The following PCDHAC1 variants were observed in gnomAD, a reference collection of about 807,000 sequenced individuals.
PCDHAC1 encodes the protein protocadherin alpha-C1.
Under a neutral mutation model 60.0 loss-of-function variants are expected in PCDHAC1, and 42 were observed. The observed-to-expected ratio is 0.70, with a 90% CI of 0.55 to 0.90. PCDHAC1 has a LOEUF of 0.90. Ranked by LOEUF, PCDHAC1 falls within the 40% of genes least tolerant of loss-of-function variation. The pLI is 0.00. For missense variants in PCDHAC1, 1,160 were observed against 1,222.3 expected (o/e 0.95, Z 0.76); for synonymous variants, 468 against 499.3 (o/e 0.94, Z 0.84).
intron 1 of PCDHAC1, among the ~76,000 whole-genome samples, chr5:140,939,650 A>G (rs1203077314): frequency 1.3e-5 from 2 of 152,228 alleles, no homozygotes; most frequent in African/African-American, 2.4e-5. Flanking sequence ...GAAAACTTCA[A>G]TAACAGGAAT....
chr5:140,954,771 T>C (rs1314345691), intron 1 of PCDHAC1, among the ~76,000 whole-genome samples: 2 of 152,230 alleles, frequency 1.3e-5, no homozygotes, highest in African/African-American at 4.8e-5. Context: ...AGCTCTTTAA[T>C]TTAATTAGAT....
intron 1 of PCDHAC1, among the ~76,000 whole-genome samples, chr5:140,976,433 C>T (rs2096716122): frequency 6.6e-6 from 1 of 152,036 alleles, no homozygotes; most frequent in South Asian, 2.1e-4. Context: ...TGCCTGTAAT[C>T]CCAGCTACTA....
intron 1 of PCDHAC1, among the ~76,000 whole-genome samples, chr5:140,964,657 G>A (rs2067599): frequency 0.18 from 27,796 of 151,812 alleles, 2,893 homozygotes; most frequent in African/African-American, 0.28. Context: ...TAATGGGTGA[G>A]GACACAGGCC....
intron 3 of PCDHAC1, among the ~76,000 whole-genome samples, chr5:140,996,991 T>C (rs191353108): frequency 1.6e-4 from 25 of 152,346 alleles, no homozygotes; most frequent in African/African-American, 5.3e-4. Flanking sequence ...GCAACCACTG[T>C]TAACAATTTT....
chr5:140,967,299 G>T, intron 1 of PCDHAC1: 3 of 1,612,674 alleles, frequency 1.9e-6, no homozygotes, highest in Non-Finnish European at 2.5e-6. Flanking sequence ...CCCGACGTGG[G>T]CGCCAACTCA....
intron 1 of PCDHAC1, among the ~76,000 whole-genome samples, chr5:140,944,592 C>T (rs1225606041): frequency 2.6e-5 from 4 of 152,086 alleles, no homozygotes; most frequent in Non-Finnish European, 4.4e-5. Flanking sequence ...CAGAATTTCC[C>T]TGGGTAGAGT....
chr5:141,002,877 A>G (rs989540490), intron 3 of PCDHAC1, among the ~76,000 whole-genome samples: 1 of 152,252 alleles, frequency 6.6e-6, no homozygotes, highest in Non-Finnish European at 1.5e-5. Context: ...CCTCAAGAAC[A>G]GAAAGAGAAC....
intron 1 of PCDHAC1, among the ~76,000 whole-genome samples, chr5:140,963,754 T>C (rs190216638): frequency 2.3e-4 from 35 of 152,374 alleles, no homozygotes; most frequent in Admixed American, 7.2e-4. Flanking sequence ...TGATAATAAA[T>C]TGTTGTATTT....
At chr5:140,938,187 C>A (rs1584944424) in intron 1 of PCDHAC1, among the ~76,000 whole-genome samples, 1 of 152,276 alleles carries the variant, frequency 6.6e-6, no homozygotes, top group Non-Finnish European at 1.5e-5. Context: ...CTCAAGCAAT[C>A]CTCCCACGCC....
At chr5:141,007,706 C>T (rs1269578685) in intron 3 of PCDHAC1, among the ~76,000 whole-genome samples, 1 of 152,218 alleles carries the variant, frequency 6.6e-6, no homozygotes, top group Non-Finnish European at 1.5e-5. Flanking sequence ...TCCTCTGCCT[C>T]CCACCACCAG....
chr5:140,952,010 C>A (rs1188540877), intron 1 of PCDHAC1, among the ~76,000 whole-genome samples: 2 of 152,128 alleles, frequency 1.3e-5, no homozygotes, highest in Non-Finnish European at 2.9e-5. Flanking sequence ...GAATTATAGG[C>A]CCCATGCAAG....
At chr5:140,969,253 C>T in intron 1 of PCDHAC1, 3 of 1,614,202 alleles carry the variant, frequency 1.9e-6, no homozygotes, top group Non-Finnish European at 2.5e-6. Flanking sequence ...TGACTGACAG[C>T]AGGAATCTCA....
chr5:140,926,774 A>G lies in PCDHAC1; in HGVS notation c.-119A>G. The G allele has an allele frequency of 7.2e-7, 1 of 1,380,760 alleles. No homozygotes were observed. The highest frequency in any genetic ancestry group is 9.4e-7 in the Non-Finnish European group (1 of 1,061,160). The allele number at this position is 1,380,760 out of a possible 1,614,324, so 85.5% of individuals were successfully genotyped here. A position where few individuals can be genotyped will look rare whatever the true frequency, so the allele number is the denominator to read the frequency against. ...GGTCGCTGAGTATCCAGCCCGCAGC[A>G]GTGACGGCCGGCAGGAGCGTGCTCT... is the stretch of plus-strand genomic sequence containing the variant. On this transcript the variant is annotated 5_prime_UTR_variant, in exon 1 of 4. Coordinates refer to ENST00000253807, the MANE Select transcript of PCDHAC1 (RefSeq NM_018898.5).
chr5:140,996,237 G>T (rs1169717703), intron 3 of PCDHAC1, among the ~76,000 whole-genome samples: 1 of 152,186 alleles, frequency 6.6e-6, no homozygotes, highest in Non-Finnish European at 1.5e-5. Context: ...GTTGCTCAAG[G>T]CTGAGAAGTG....
intron 1 of PCDHAC1, chr5:140,966,883 T>A (rs155364): frequency 0.52 from 832,487 of 1,587,228 alleles, 220,297 homozygotes; most frequent in African/African-American, 0.71. Flanking sequence ...TACCTGGCCC[T>A]GCGGCCTCCC....
chr5:140,961,465 T>C (rs2095614873), intron 1 of PCDHAC1, among the ~76,000 whole-genome samples: 2 of 152,218 alleles, frequency 1.3e-5, no homozygotes, highest in Admixed American at 1.3e-4. Context: ...GCTGCCTTTC[T>C]TTTTTTGTCT....
chr5:140,967,641 T>C (rs2096165933), intron 1 of PCDHAC1: 1 of 1,614,004 alleles, frequency 6.2e-7, no homozygotes, highest in East Asian at 2.2e-5. Context: ...AATGGTGAGC[T>C]CAGGTACTCC....
intron 3 of PCDHAC1, among the ~76,000 whole-genome samples, chr5:141,007,652 A>T (rs2098338412): frequency 6.6e-6 from 1 of 152,112 alleles, no homozygotes; most frequent in African/African-American, 2.4e-5. Flanking sequence ...TGCCTAAAAA[A>T]CCATAAATTT....
chr5:141,009,563 C>A, intron 3 of PCDHAC1, 64 bp from the exon 4 acceptor site: 1 of 1,571,920 alleles, frequency 6.4e-7, no homozygotes, highest in Non-Finnish European at 8.6e-7. Flanking sequence ...TGTACTCTAC[C>A]AGCAGTGTGG....
Sources: gnomAD v4.1 joint callset for allele counts (sites outside exome capture counted in the v4.1 genomes callset) on GRCh38, gnomAD v4.1.1 for gene constraint, MANE v1.5 for transcripts, NCBI Gene and HGNC (gene_info 2026-07-23, HGNC 2026-07-21) for gene names.